Variants in CSMD1 observed in about 807,000 individuals in gnomAD.
The protein encoded by CSMD1 is CUB and sushi domain-containing protein 1.
CSMD1 carries 213 observed loss-of-function variants against 417.5 expected under a neutral mutation model. The ratio of observed to expected loss-of-function variants is 0.51; its 90% CI spans 0.46 to 0.57. The LOEUF (loss-of-function observed/expected upper bound fraction) is 0.57. Ranked by LOEUF, CSMD1 falls within the 20% of genes least tolerant of loss-of-function variation. CSMD1 has a pLI of 0.00. For missense variants in CSMD1, 6,923 were observed against 4,529.7 expected (o/e 1.53, Z -15.17); for synonymous variants, 2,862 against 1,736.8 (o/e 1.65, Z -16.11).
At chr8:3,817,771 G>T (rs1801472416) in intron 5 of CSMD1, among the ~76,000 whole-genome samples, 1 of 152,090 alleles carries the variant, frequency 6.6e-6, no homozygotes, top group Admixed American at 6.5e-5. Context: ...TCTTCCAAAA[G>T]CCCCAATGCA....
intron 2 of CSMD1, among the ~76,000 whole-genome samples, chr8:4,469,505 G>A (rs934837658): frequency 5.9e-5 from 9 of 152,132 alleles, no homozygotes; most frequent in Non-Finnish European, 1.2e-4. Flanking sequence ...ATTTTACCTA[G>A]AACCAAACCT....
intron 5 of CSMD1, among the ~76,000 whole-genome samples, chr8:3,794,191 C>G (rs970605260): frequency 1.2e-4 from 19 of 152,146 alleles, no homozygotes; most frequent in African/African-American, 4.6e-4. Flanking sequence ...GCTTGAGAAG[C>G]ACTGGTTTAA....
chr8:3,584,360 G>C (rs937925493), intron 9 of CSMD1, among the ~76,000 whole-genome samples: 2 of 152,158 alleles, frequency 1.3e-5, no homozygotes, highest in Non-Finnish European at 2.9e-5. Context: ...CGAAAAAAGT[G>C]TTCTCTTCCA....
At chr8:4,886,231 A>T (rs1803729757) in intron 1 of CSMD1, among the ~76,000 whole-genome samples, 1 of 151,838 alleles carries the variant, frequency 6.6e-6, no homozygotes, top group Non-Finnish European at 1.5e-5. Flanking sequence ...CCTCAAGCAA[A>T]CCACTGCCTC....
intron 4 of CSMD1, among the ~76,000 whole-genome samples, chr8:4,007,574 C>T (rs915815453): frequency 1.3e-5 from 2 of 152,186 alleles, no homozygotes; most frequent in African/African-American, 2.4e-5. Flanking sequence ...CCTCTCGGTG[C>T]GTGCTGAGTG....
intron 2 of CSMD1, among the ~76,000 whole-genome samples, chr8:4,530,213 T>A (rs1203196434): frequency 6.6e-6 from 1 of 151,320 alleles, no homozygotes; most frequent in Non-Finnish European, 1.5e-5. Context: ...GCGCCAGGCC[T>A]GCCATTGTTA....
At chr8:3,508,600 C>T (rs560868785) in intron 10 of CSMD1, among the ~76,000 whole-genome samples, 99 of 152,100 alleles carry the variant, frequency 6.5e-4, no homozygotes, top group African/African-American at 2.2e-3. Context: ...CTTATTTTAG[C>T]GATGTGTGAG....
At chr8:3,294,470 C>T (rs1484715404) in intron 25 of CSMD1, among the ~76,000 whole-genome samples, 5 of 152,214 alleles carry the variant, frequency 3.3e-5, no homozygotes, top group Non-Finnish European at 7.3e-5. Context: ...GTGGGCTCCA[C>T]CCAGTTCAAG....
At chr8:3,668,935 G>T (rs78979103) in intron 7 of CSMD1, among the ~76,000 whole-genome samples, 1 of 152,140 alleles carries the variant, frequency 6.6e-6, no homozygotes, top group South Asian at 2.1e-4. Flanking sequence ...TTTGAGAGGC[G>T]TGACAGAAAC....
chr8:3,379,411 T>C (rs1218093299), intron 18 of CSMD1, among the ~76,000 whole-genome samples: 1 of 152,206 alleles, frequency 6.6e-6, no homozygotes, highest in Non-Finnish European at 1.5e-5. Context: ...AAATGTCATA[T>C]GGAACCAAAA....
chr8:3,974,183 T>A (rs1372078716), intron 5 of CSMD1, among the ~76,000 whole-genome samples: 2 of 152,128 alleles, frequency 1.3e-5, no homozygotes, highest in African/African-American at 4.8e-5. Flanking sequence ...CCCCCACAGT[T>A]TATTAGCTGA....
At chr8:4,142,110 C>G (rs1585406880) in intron 3 of CSMD1, among the ~76,000 whole-genome samples, 1 of 150,948 alleles carries the variant, frequency 6.6e-6, no homozygotes, top group Admixed American at 6.6e-5. Context: ...TTTGAAGCAA[C>G]ATTTGTTAGC....
intron 55 of CSMD1, among the ~76,000 whole-genome samples, chr8:2,977,695 A>AAGGAAC (rs1805050478): frequency 2.6e-5 from 4 of 152,228 alleles, no homozygotes; most frequent in Non-Finnish European, 5.9e-5. Flanking sequence ...CAAAGGTCTA[A>AAGGAAC]TATCCAGAAT....
chr8:4,170,461 A>G (rs140281395), intron 3 of CSMD1, among the ~76,000 whole-genome samples: 2 of 151,990 alleles, frequency 1.3e-5, no homozygotes, highest in Admixed American at 1.3e-4. Flanking sequence ...TTCCTAATCT[A>G]TAGGTGCCTC....
chr8:4,290,809 C>T (rs1185904609), intron 3 of CSMD1, among the ~76,000 whole-genome samples: 5 of 152,170 alleles, frequency 3.3e-5, no homozygotes, highest in Non-Finnish European at 2.9e-5. Flanking sequence ...TTCAAGAAAT[C>T]ACAATTTGTA....
At chr8:3,709,685 T>G (rs1441480301) in intron 6 of CSMD1, among the ~76,000 whole-genome samples, 4 of 110,150 alleles carry the variant, frequency 3.6e-5, no homozygotes, top group South Asian at 3.8e-4. Flanking sequence ...AGCATGTTTT[T>G]TTTTTTTTTT....
At chr8:3,389,487 G>T (rs73173181) in intron 17 of CSMD1, among the ~76,000 whole-genome samples, 26,422 of 152,044 alleles carry the variant, frequency 0.17, 2,316 homozygotes, top group Middle Eastern at 0.23. Context: ...GAAATGCACT[G>T]ATCTCTAGGT....
chr8:4,917,612 C>A (rs956077520), intron 1 of CSMD1, among the ~76,000 whole-genome samples: 1 of 151,784 alleles, frequency 6.6e-6, no homozygotes, highest in Non-Finnish European at 1.5e-5. Context: ...CCAGCCTGGG[C>A]GACAGAGCGA....
chr8:3,645,860 T>C (rs181285483), intron 7 of CSMD1, among the ~76,000 whole-genome samples: 22 of 152,328 alleles, frequency 1.4e-4, no homozygotes, highest in African/African-American at 4.6e-4. Flanking sequence ...TAAATAATGT[T>C]TTTATATACA....
Sources: allele counts gnomAD v4.1 joint callset (sites outside exome capture counted in the v4.1 genomes callset), GRCh38; gene constraint gnomAD v4.1.1; transcripts MANE v1.5; gene names NCBI Gene and HGNC (gene_info 2026-07-23, HGNC 2026-07-21).